FRMD4B: variants seen among roughly 807,000 people sequenced by gnomAD.
The protein encoded by FRMD4B is FERM domain containing 4B, also known as FERM domain-containing protein 4B.
FRMD4B carries 74 observed loss-of-function variants against 141.5 expected under a neutral mutation model. The ratio of observed to expected loss-of-function variants is 0.52; its 90% CI spans 0.43 to 0.63. The LOEUF is 0.63. FRMD4B is among the 30% of genes least tolerant of loss of function. The pLI is 0.00. For synonymous variants in FRMD4B, 506 were observed against 467.9 expected, an observed-to-expected ratio of 1.08 and a Z score of -1.05; for missense variants, 1,366 against 1,253.4, an observed-to-expected ratio of 1.09 and a Z score of -1.36.
intron 1 of FRMD4B, among the ~76,000 whole-genome samples, chr3:69,353,987 T>C (rs545755377): frequency 1.3e-5 from 2 of 152,370 alleles, no homozygotes; most frequent in South Asian, 4.1e-4. Flanking sequence ...CGATGCCATG[T>C]ATGAATCTAA....
intron 7 of FRMD4B, among the ~76,000 whole-genome samples, chr3:69,234,556 A>G (rs896585485): frequency 5.9e-5 from 9 of 152,244 alleles, no homozygotes; most frequent in African/African-American, 1.9e-4. Context: ...CTGGCCTTCA[A>G]TGATGAATTC....
At chr3:69,352,481 T>C (rs976628764) in intron 1 of FRMD4B, among the ~76,000 whole-genome samples, 3 of 152,196 alleles carry the variant, frequency 2.0e-5, no homozygotes, top group African/African-American at 7.2e-5. Context: ...CCACTTCCTC[T>C]ACAGACTTCC....
intron 1 of FRMD4B, among the ~76,000 whole-genome samples, chr3:69,506,991 A>G (rs1575594859): frequency 6.6e-6 from 1 of 152,332 alleles, no homozygotes; most frequent in South Asian, 2.1e-4. Context: ...CATATGATCA[A>G]TAAATTTTGT....
chr3:69,221,740 A>G (rs140085210), intron 9 of FRMD4B, 118 bp downstream of exon 9: 24 of 676,308 alleles, frequency 3.5e-5, no homozygotes, highest in Middle Eastern at 3.6e-4. Flanking sequence ...TCACAGTAAG[A>G]TATTTCTAAC....
At chr3:69,333,966 T>G (rs1702461239) in intron 1 of FRMD4B, 1 of 152,230 alleles carries the variant, frequency 6.6e-6, no homozygotes, top group East Asian at 1.9e-4. Context: ...CCTTCCCACT[T>G]CCCCAAGACA....
At chr3:69,290,364 G>A (rs888909930) in intron 4 of FRMD4B, among the ~76,000 whole-genome samples, 23 of 152,166 alleles carry the variant, frequency 1.5e-4, no homozygotes, top group Non-Finnish European at 1.2e-4. Context: ...GAAGTAGAGA[G>A]GGACAAGAGT....
chr3:69,411,751 T>C (rs1300864157), intron 2 of FRMD4B, among the ~76,000 whole-genome samples: 4 of 152,212 alleles, frequency 2.6e-5, no homozygotes, highest in Non-Finnish European at 4.4e-5. Context: ...ATAATTCACA[T>C]TGGGATTCCA....
At chr3:69,211,206 G>A (rs1214634515) in intron 11 of FRMD4B, among the ~76,000 whole-genome samples, 1 of 151,986 alleles carries the variant, frequency 6.6e-6, no homozygotes, top group Admixed American at 6.6e-5. Flanking sequence ...TGCTAAATTT[G>A]TCCTCTAGGT....
chr3:69,220,530 A>T (rs1006290642), intron 9 of FRMD4B, among the ~76,000 whole-genome samples: 2 of 152,196 alleles, frequency 1.3e-5, no homozygotes, highest in Non-Finnish European at 2.9e-5. Context: ...TTCTGCTGCA[A>T]AGATAACAGA....
intron 5 of FRMD4B, among the ~76,000 whole-genome samples, chr3:69,263,245 A>G (rs973482920): frequency 1.3e-5 from 2 of 152,152 alleles, no homozygotes; most frequent in Non-Finnish European, 2.9e-5. Flanking sequence ...TGACAGAGCA[A>G]GACTCCGTCT....
At chr3:69,402,901 A>C (rs777659177) in intron 2 of FRMD4B, among the ~76,000 whole-genome samples, 17 of 152,150 alleles carry the variant, frequency 1.1e-4, no homozygotes, top group Admixed American at 2.0e-4. Context: ...ATTGAAAAAG[A>C]CTCCAGAAGA....
At chr3:69,196,583 A>C in intron 13 of FRMD4B, 187 bp from the exon 14 acceptor site, 1 of 597,118 alleles carries the variant, frequency 1.7e-6, no homozygotes, top group Non-Finnish European at 2.9e-6. Context: ...AAAATGTTTT[A>C]ATAACTATAC....
rs954048395 is a variant in FRMD4B, at chr3:69,193,589, T to C, written c.1714+59A>G. 1.0e-5 allele frequency: 9 copies of C among 890,446 alleles called. No individual in the cohort carries two copies. The African/African-American group carries it at 1.4e-4, about 13-fold the overall frequency. 55.2% of individuals were successfully genotyped at this position (890,446 alleles called of 1,614,324 possible). On this transcript the variant is annotated intron_variant, in intron 17 of 22. Transcript: ENST00000398540. The stretch of plus-strand genomic sequence containing the variant: ...CAACTGGTAACTGGTTTGGAAATGC[T>C]ATATACCATGAAGTACTGAGTAGGG...
chr3:69,192,862 C>T (rs946060315), intron 17 of FRMD4B, among the ~76,000 whole-genome samples: 4 of 151,516 alleles, frequency 2.6e-5, no homozygotes, highest in South Asian at 2.1e-4. Context: ...CTGTCACCCA[C>T]GCTGGAGTGC....
intron 1 of FRMD4B, among the ~76,000 whole-genome samples, chr3:69,351,139 T>A (rs1020734622): frequency 6.6e-6 from 1 of 152,206 alleles, no homozygotes; most frequent in African/African-American, 2.4e-5. Context: ...AGATTGCTGT[T>A]ATTGGAATAA....
intron 1 of FRMD4B, among the ~76,000 whole-genome samples, chr3:69,476,623 G>A (rs1426885537): frequency 6.6e-6 from 1 of 152,200 alleles, no homozygotes; most frequent in Admixed American, 6.5e-5. Flanking sequence ...AGTATAGTTT[G>A]AAGTCAGGTA....
chr3:69,222,844 T>C (rs2093210292), intron 8 of FRMD4B, among the ~76,000 whole-genome samples: 1 of 152,196 alleles, frequency 6.6e-6, no homozygotes, highest in African/African-American at 2.4e-5. Flanking sequence ...TCTTTTGCCA[T>C]AATTGGATGG....
At chr3:69,409,411 C>T (rs980971673) in intron 2 of FRMD4B, among the ~76,000 whole-genome samples, 1 of 152,162 alleles carries the variant, frequency 6.6e-6, no homozygotes, top group Non-Finnish European at 1.5e-5. Flanking sequence ...CTTACAATGA[C>T]CCAGTAGAAG....
intron 1 of FRMD4B, among the ~76,000 whole-genome samples, chr3:69,338,371 G>A (rs902501733): frequency 1.3e-5 from 2 of 152,090 alleles, no homozygotes; most frequent in African/African-American, 2.4e-5. Flanking sequence ...ACGAGTTAAT[G>A]GGTGCAGCAC....
Sources: gnomAD v4.1 joint callset for allele counts (sites outside exome capture counted in the v4.1 genomes callset) on GRCh38, gnomAD v4.1.1 for gene constraint, MANE v1.5 for transcripts, NCBI Gene and HGNC (gene_info 2026-07-23, HGNC 2026-07-21) for gene names.